Variants in ATP7A observed in about 807,000 individuals in gnomAD.
ATP7A encodes the protein copper-transporting ATPase 1.
A neutral mutation model predicts 83.5 loss-of-function variants in ATP7A; 7 were observed. The observed-to-expected ratio is 0.08, with a 90% confidence interval of 0.05 to 0.16. ATP7A has a LOEUF of 0.16. ATP7A is among the 10% of genes least tolerant of loss of function. The probability of loss-of-function intolerance (pLI) is 1.00; values close to 1 mark genes in which losing one functional copy is unlikely to be tolerated. For missense variants in ATP7A, 940 were observed against 1,120.8 expected, an observed-to-expected ratio of 0.84 and a Z score of 2.30; for synonymous variants, 354 against 395.2, an observed-to-expected ratio of 0.90 and a Z score of 1.24.
At chrX:77,948,776 A>G (rs1355900985) in intron 1 of ATP7A, among the ~76,000 whole-genome samples, 1 of 111,975 alleles carries the variant, frequency 8.9e-6, no homozygotes, top group Non-Finnish European at 1.9e-5. Flanking sequence ...GAAACTCTCT[A>G]CCATGGTCGG....
chrX:77,998,386 T>C (rs2077717703), intron 4 of ATP7A, 92 bp from the exon 5 acceptor site: 4 of 882,380 alleles, frequency 4.5e-6, no homozygotes, highest in Non-Finnish European at 6.7e-6. Flanking sequence ...GAATAGATTG[T>C]CAGTGCCTGG....
chrX:77,928,340 G>A (rs1252974290), intron 1 of ATP7A, among the ~76,000 whole-genome samples: 1 of 111,197 alleles, frequency 9.0e-6, no homozygotes, highest in Non-Finnish European at 1.9e-5. Flanking sequence ...AACACATTAA[G>A]TATTTTTAGT....
intron 1 of ATP7A, among the ~76,000 whole-genome samples, chrX:77,953,841 A>G (rs1001662294): frequency 2.7e-5 from 3 of 112,642 alleles, no homozygotes; most frequent in African/African-American, 9.7e-5. Context: ...AATTGGCTGT[A>G]TGAACATAGA....
In ATP7A at chrX:77,968,258, C is replaced by G. The variant is rs1181523250; in HGVS notation, c.-21-3363C>G. ...CCACATGTGGGACTATTTCAACCGC[C>G]ACAAGAAACCCCAGAAGGGTTATTG... On this transcript the variant is annotated intron_variant, in intron 1 of 22. Transcript: ENST00000341514. 3.6e-5 allele frequency among the ~76,000 whole-genome samples: 4 copies of G among 111,798 alleles called. No individual in the cohort carries two copies. In the East Asian group the frequency reaches 1.1e-3, roughly 31 times the overall value.
At chrX:78,014,048 A>G (rs1313604705) in intron 10 of ATP7A, among the ~76,000 whole-genome samples, 10 of 111,308 alleles carry the variant, frequency 9.0e-5, no homozygotes, top group African/African-American at 3.3e-4. Flanking sequence ...TATTGGGTTC[A>G]TGTTTTTCTT....
chrX:78,042,521 T>C, intron 19 of ATP7A, 64 bp from the exon 20 acceptor site: 15 of 1,080,043 alleles, frequency 1.4e-5, no homozygotes, highest in Non-Finnish European at 1.9e-5. Flanking sequence ...GGCTTGTTAT[T>C]GCTCAGTTAT....
intron 1 of ATP7A, among the ~76,000 whole-genome samples, chrX:77,932,657 C>T (rs1201683436): frequency 8.9e-6 from 1 of 112,980 alleles, no homozygotes; most frequent in Non-Finnish European, 1.9e-5. Context: ...AAACCCGGCA[C>T]CTCGGGAGGC....
At chrX:77,980,530 T>G (rs2077599076) in intron 2 of ATP7A, among the ~76,000 whole-genome samples, 1 of 111,563 alleles carries the variant, frequency 9.0e-6, no homozygotes, top group Non-Finnish European at 1.9e-5. Context: ...ATAAATACAT[T>G]CCTTACTCCC....
chrX:77,915,784 G>C (rs2077181745), intron 1 of ATP7A, among the ~76,000 whole-genome samples: 1 of 111,886 alleles, frequency 8.9e-6, no homozygotes, highest in African/African-American at 3.2e-5. Context: ...GCAATGGCAC[G>C]ATCTCGGCTC....
chrX:77,948,010 G>A (rs1210996355), intron 1 of ATP7A, among the ~76,000 whole-genome samples: 2 of 109,741 alleles, frequency 1.8e-5, no homozygotes, highest in Non-Finnish European at 3.8e-5. Flanking sequence ...AGAGTGCTGG[G>A]ATTACAGGCG....
At chrX:78,004,280 T>G (rs2077758909) in intron 6 of ATP7A, among the ~76,000 whole-genome samples, 1 of 112,140 alleles carries the variant, frequency 8.9e-6, no homozygotes, top group African/African-American at 3.2e-5. Flanking sequence ...TATATACACA[T>G]GATTAACACT....
chrX:77,919,335 C>T (rs782662072), intron 1 of ATP7A, among the ~76,000 whole-genome samples: 1 of 111,583 alleles, frequency 9.0e-6, no homozygotes, highest in African/African-American at 3.3e-5. Flanking sequence ...TTTTTCCTCA[C>T]CTCCACATTC....
chrX:77,916,038 A>G (rs1352895416), intron 1 of ATP7A, among the ~76,000 whole-genome samples: 1 of 111,522 alleles, frequency 9.0e-6, no homozygotes, highest in Non-Finnish European at 1.9e-5. Flanking sequence ...CACGCCCGGC[A>G]CAATACTTAA....
At chrX:78,031,370 T>G in intron 15 of ATP7A, 30 bp from the exon 16 acceptor site, 1 of 1,174,566 alleles carries the variant, frequency 8.5e-7, no homozygotes, top group Admixed American at 2.2e-5. Flanking sequence ...TGGAGGATCA[T>G]CAAGTCATTG....
At chrX:78,003,871 G>C (rs1425923119) in intron 6 of ATP7A, among the ~76,000 whole-genome samples, 1 of 111,177 alleles carries the variant, frequency 9.0e-6, no homozygotes, top group Non-Finnish European at 1.9e-5. Flanking sequence ...AAACCCAGGC[G>C]GCGGAGGTTG....
intron 2 of ATP7A, among the ~76,000 whole-genome samples, chrX:77,980,273 C>T (rs782262605): frequency 9.1e-6 from 1 of 110,371 alleles, no homozygotes; most frequent in Non-Finnish European, 1.9e-5. Context: ...CATGGTGAAA[C>T]CCTGTCTGTA....
intron 1 of ATP7A, among the ~76,000 whole-genome samples, chrX:77,922,045 T>G (rs1557223164): frequency 9.0e-6 from 1 of 111,322 alleles, no homozygotes; most frequent in African/African-American, 3.3e-5. Context: ...TCCTCCTGCT[T>G]TGGCCTCTCA....
chrX:77,923,082 A>T (rs1557223278), intron 1 of ATP7A: 1 of 112,517 alleles, frequency 8.9e-6, no homozygotes, highest in Non-Finnish European at 1.9e-5. Flanking sequence ...TTCAAATCCA[A>T]GTCTGTCTGA....
chrX:78,005,587 G>T lies in ATP7A; in HGVS notation c.1707+2351G>T, dbSNP rs1198252078. ...AATCCCAGATACTCGGGAAGCTGAGGCAGGAGAATCACTTGAACCCGGGAG... is the reference window on the plus strand; with the variant it reads ...AATCCCAGATACTCGGGAAGCTGAGTCAGGAGAATCACTTGAACCCGGGAG... On this transcript the variant is annotated intron_variant, in intron 6 of 22. Coordinates refer to ENST00000341514, the MANE Select transcript of ATP7A (RefSeq NM_000052.7). Among the ~76,000 whole-genome samples, 6 of 103,094 alleles carry T rather than the reference G, an allele frequency of 5.8e-5. No individual in the cohort carries two copies. The Admixed American group carries it at 6.6e-4, about 11-fold the overall frequency. 89.5% of individuals were successfully genotyped at this position (103,094 alleles called of 115,157 possible).
Sources: allele counts gnomAD v4.1 joint callset (sites outside exome capture counted in the v4.1 genomes callset), GRCh38; gene constraint gnomAD v4.1.1; transcripts MANE v1.5; gene names NCBI Gene and HGNC (gene_info 2026-07-23, HGNC 2026-07-21).